ADARB2: variants seen among roughly 807,000 people sequenced by gnomAD.
ADARB2 encodes the protein inactive double-stranded RNA-specific editase B2.
A neutral mutation model predicts 62.2 loss-of-function variants in ADARB2; 25 were observed. The ratio of observed to expected loss-of-function variants is 0.40; its 90% confidence interval spans 0.29 to 0.56. The LOEUF (loss-of-function observed/expected upper bound fraction) is 0.56, where lower values mean the gene tolerates loss of function less well. Ranked by LOEUF, ADARB2 falls within the 20% of genes least tolerant of loss-of-function variation. The pLI is 0.43. For synonymous variants in ADARB2, 572 were observed against 500.8 expected (o/e 1.14, Z -1.90); for missense variants, 1,071 against 1,077.4 (o/e 0.99, Z 0.08).
intron 8 of ADARB2, 168 bp downstream of exon 8, chr10:1,199,798 G>A: frequency 2.8e-6 from 2 of 722,958 alleles, no homozygotes; most frequent in Non-Finnish European, 4.3e-6. Flanking sequence ...GAGAGATGCT[G>A]AAACCTTTCA....
intron 1 of ADARB2, among the ~76,000 whole-genome samples, chr10:1,561,770 G>A (rs1275262972): frequency 3.3e-5 from 5 of 152,124 alleles, no homozygotes; most frequent in Admixed American, 3.3e-4. Context: ...AAGACCTTCA[G>A]GGGCTCCTTG....
chr10:1,186,866 A>G (rs1256162095), intron 8 of ADARB2, among the ~76,000 whole-genome samples: 2 of 152,182 alleles, frequency 1.3e-5, no homozygotes, highest in Non-Finnish European at 2.9e-5. Context: ...GACTCCCGGG[A>G]GGAAGCTGTC....
At chr10:1,496,309 CAACATCATCATTAGT>C (rs1831690625) in intron 1 of ADARB2, among the ~76,000 whole-genome samples, 2 of 109,304 alleles carry the variant, frequency 1.8e-5, no homozygotes, top group Non-Finnish European at 4.6e-5. Context: ...TCATCAGTAT[CAACATCATCATTAGT>C]ATCAACATCG....
At chr10:1,660,229 G>A (rs986161295) in intron 1 of ADARB2, among the ~76,000 whole-genome samples, 1 of 152,240 alleles carries the variant, frequency 6.6e-6, no homozygotes, top group African/African-American at 2.4e-5. Flanking sequence ...CAAAGCACTG[G>A]CTACTTCCTG....
intron 6 of ADARB2, among the ~76,000 whole-genome samples, chr10:1,222,362 GT>G (rs1342288092): frequency 6.6e-6 from 1 of 152,088 alleles, no homozygotes. Context: ...CCATTTTGTA[GT>G]TTGCCTGTTC....
chr10:1,298,707 A>G (rs1043212581), intron 3 of ADARB2, among the ~76,000 whole-genome samples: 6 of 128,222 alleles, frequency 4.7e-5, no homozygotes, highest in African/African-American at 1.5e-4. Context: ...CGACTATCCC[A>G]TGTGCGACGG....
intron 1 of ADARB2, among the ~76,000 whole-genome samples, chr10:1,681,436 G>A (rs550373618): frequency 2.0e-5 from 3 of 151,806 alleles, no homozygotes; most frequent in Non-Finnish European, 4.4e-5. Context: ...TTCCTGTGAC[G>A]AGAAAGTCTA....
At chr10:1,442,300 C>G (rs984681092) in intron 1 of ADARB2, among the ~76,000 whole-genome samples, 3 of 152,142 alleles carry the variant, frequency 2.0e-5, no homozygotes, top group African/African-American at 7.2e-5. Context: ...AAATTTCTCC[C>G]TGGTTAGGTC....
chr10:1,232,110 AG>A (rs1447014787), intron 6 of ADARB2, among the ~76,000 whole-genome samples: 1 of 152,134 alleles, frequency 6.6e-6, no homozygotes, highest in Non-Finnish European at 1.5e-5. Context: ...CTCCCTCATC[AG>A]GACTGGACTC....
In ADARB2 at chr10:1,398,575, C is replaced by G. The variant is rs1832635555; in HGVS notation, c.101-19415G>C. 6.6e-6 allele frequency among the ~76,000 whole-genome samples: 1 copy of G among 152,232 alleles called. No homozygotes were observed. Among genetic ancestry groups the G allele is most frequent in the African/African-American group, 2.4e-5 (1 of 41,470 alleles). On this transcript the variant is annotated intron_variant, in intron 1 of 9. Coordinates refer to ENST00000381312, the MANE Select transcript of ADARB2 (RefSeq NM_018702.4). This position sits in a 1 kb window ranked among gnomAD's most constrained non-coding sequence, Gnocchi z 4.1. ...TTCCTAAAACTGTCAGAACCCAGTT[C>G]TGGTGCGGAGGTAAGACAACTCAAA...
chr10:1,344,783 C>A (rs1832063356), intron 3 of ADARB2, among the ~76,000 whole-genome samples: 1 of 152,184 alleles, frequency 6.6e-6, no homozygotes. Context: ...CCAAATAAAC[C>A]AGGAGGTTGG....
rs181411436 is a variant in ADARB2, at chr10:1,657,282, G to A, written c.100+79769C>T. On this transcript the variant is annotated intron_variant, in intron 1 of 9. Coordinates refer to ENST00000381312, the MANE Select transcript of ADARB2 (RefSeq NM_018702.4). ...GCTCAACTTCAGTACGTTGCTTCTT[G>A]TAGTACTGCAAATTCTAATTAATGG... Among the ~76,000 whole-genome samples, 3 of 152,316 alleles carry A rather than the reference G, an allele frequency of 2.0e-5. No individual in the cohort carries two copies. The East Asian group carries it at 5.8e-4, about 29-fold the overall frequency.
At chr10:1,306,432 A>T (rs998728362) in intron 3 of ADARB2, among the ~76,000 whole-genome samples, 1 of 151,898 alleles carries the variant, frequency 6.6e-6, no homozygotes, top group African/African-American at 2.4e-5. Context: ...ATGGAAGAAC[A>T]TTCCATGCTC....
Position 1,704,359 on chromosome 10 carries a change from C to T in ADARB2, c.100+32692G>A, listed in dbSNP as rs7068689. On this transcript the variant is annotated intron_variant, in intron 1 of 9. Transcript: ENST00000381312. This position sits in a 1 kb window ranked among gnomAD's most constrained non-coding sequence, Gnocchi z 5.6. The stretch of plus-strand genomic sequence containing the variant: ...GTTTTCCTGCAACTCGATGGCCCCA[C>T]CTGGGGATGATGGGAGACAGTGACA... 0.024 allele frequency among the ~76,000 whole-genome samples: 3,716 copies of T among 152,246 alleles called. 112 individuals carry two copies. The highest frequency in any genetic ancestry group is 0.072 in the African/African-American group (3,000 of 41,534).
chr10:1,376,884 GTT>G (rs1832434193), intron 2 of ADARB2, among the ~76,000 whole-genome samples: 24 of 147,258 alleles, frequency 1.6e-4, no homozygotes, highest in Non-Finnish European at 1.5e-4. Flanking sequence ...GGTGGGGGGG[GTT>G]GTGTGCTCCT....
At chr10:1,574,259 C>T (rs183595907) in intron 1 of ADARB2, among the ~76,000 whole-genome samples, 2 of 152,332 alleles carry the variant, frequency 1.3e-5, no homozygotes, top group East Asian at 1.9e-4. Context: ...AGGGCATTTT[C>T]TCAGAGGACA....
chr10:1,626,202 TCGCTCCTG>T, intron 1 of ADARB2, among the ~76,000 whole-genome samples: 1 of 129,998 alleles, frequency 7.7e-6, no homozygotes, highest in African/African-American at 3.1e-5. Flanking sequence ...CTGCCCACGC[TCGCTCCTG>T]CATGGACACA....
chr10:1,365,148 G>C (rs146130167), intron 2 of ADARB2, among the ~76,000 whole-genome samples: 1 of 151,900 alleles, frequency 6.6e-6, no homozygotes, highest in African/African-American at 2.4e-5. Flanking sequence ...CTGGGATTAC[G>C]GATGAGAGCC....
At chr10:1,484,517 G>A (rs1401479700) in intron 1 of ADARB2, among the ~76,000 whole-genome samples, 1 of 152,168 alleles carries the variant, frequency 6.6e-6, no homozygotes, top group African/African-American at 2.4e-5. Flanking sequence ...GAAAATGCTG[G>A]GTGGAACGTA....
Sources: gnomAD v4.1 joint callset for allele counts (sites outside exome capture counted in the v4.1 genomes callset) on GRCh38, gnomAD v4.1.1 for gene constraint, Gnocchi (gnomAD v3.1) non-coding constraint, MANE v1.5 for transcripts, NCBI Gene and HGNC (gene_info 2026-07-23, HGNC 2026-07-21) for gene names.